PIK3AP1: variants seen among roughly 807,000 people sequenced by gnomAD.
PIK3AP1 encodes phosphoinositide 3-kinase adapter protein 1.
Under a neutral mutation model 88.1 loss-of-function variants are expected in PIK3AP1, and 21 were observed. The observed-to-expected ratio is 0.24, with a 90% CI of 0.17 to 0.34. PIK3AP1 has a LOEUF of 0.34. Among genes scored for constraint, PIK3AP1 ranks in the 10% least tolerant of loss-of-function variants. The pLI is 1.00. For missense variants in PIK3AP1, 828 were observed against 1,035.7 expected, an observed-to-expected ratio of 0.80 and a Z score of 2.75; for synonymous variants, 398 against 400.0, an observed-to-expected ratio of 1.00 and a Z score of 0.06.
intron 2 of PIK3AP1, among the ~76,000 whole-genome samples, chr10:96,696,052 T>C (rs1023745908): frequency 6.6e-6 from 1 of 152,180 alleles, no homozygotes; most frequent in East Asian, 1.9e-4. Flanking sequence ...CATAAGATGC[T>C]CATGGGAGGG....
chr10:96,686,892 G>A (rs1844076366), intron 2 of PIK3AP1, among the ~76,000 whole-genome samples: 1 of 152,200 alleles, frequency 6.6e-6, no homozygotes, highest in Admixed American at 6.5e-5. Context: ...CAGGATGGAT[G>A]GAGGTGGGTG....
chr10:96,598,701 C>G (rs76121951), intron 16 of PIK3AP1, among the ~76,000 whole-genome samples: 1 of 152,168 alleles, frequency 6.6e-6, no homozygotes, highest in Admixed American at 6.5e-5. Flanking sequence ...AAGATTCACT[C>G]GCATGGGAAC....
chr10:96,681,987 T>A (rs1051167351), intron 2 of PIK3AP1, among the ~76,000 whole-genome samples: 5 of 59,146 alleles, frequency 8.5e-5, no homozygotes, highest in African/African-American at 4.7e-4. Context: ...CATAAATATA[T>A]GTGTGTGTAT....
chr10:96,718,773 A>G (rs1458512302), intron 1 of PIK3AP1, among the ~76,000 whole-genome samples: 1 of 152,154 alleles, frequency 6.6e-6, no homozygotes, highest in African/African-American at 2.4e-5. Context: ...TCCTGGACTC[A>G]GCAGCCCAGG....
At chr10:96,719,159 AGAGCCAG>A (rs1844540603) in intron 1 of PIK3AP1, among the ~76,000 whole-genome samples, 4 of 152,220 alleles carry the variant, frequency 2.6e-5, no homozygotes, top group African/African-American at 9.7e-5. Flanking sequence ...GCCCAGCTGG[AGAGCCAG>A]GAGGCTGTGA....
intron 2 of PIK3AP1, among the ~76,000 whole-genome samples, chr10:96,658,620 C>G (rs1487991440): frequency 6.6e-6 from 1 of 152,152 alleles, no homozygotes; most frequent in Admixed American, 6.5e-5. Context: ...GAGTGGAGGT[C>G]CCGTCCCAGA....
At chr10:96,597,325 TCC>T in intron 16 of PIK3AP1, among the ~76,000 whole-genome samples, 1 of 125,688 alleles carries the variant, frequency 8.0e-6, no homozygotes. Context: ...CTTCCTTCCT[TCC>T]TTCTTTCCTT....
At position 96,651,612 on chromosome 10, in the gene PIK3AP1, C is replaced by T; in HGVS notation, c.752G>A (p.Gly251Glu). The stretch of plus-strand genomic sequence containing the variant: ...AACGGTTTCACACACCACTAAGTCT[C>T]CAGAATATATCTTCAGAGAAACGTT... Reference protein sequence around the residue: ...SGNVSLKIYSGDLVVCETVIS... With the variant: ...SGNVSLKIYSEDLVVCETVIS... The change falls in exon 5 of 17, where the codon GGA becomes GAA. Residue 251 changes from glycine (G) to glutamate (E), a missense_variant. Gly to Glu is a moderately conservative substitution (Grantham distance 98). Transcript: ENST00000339364. 1 of 1,614,092 alleles carries T rather than the reference C, an allele frequency of 6.2e-7. No homozygotes were observed.
At chr10:96,695,761 GAC>G (rs765972372) in intron 2 of PIK3AP1, among the ~76,000 whole-genome samples, 9 of 148,690 alleles carry the variant, frequency 6.1e-5, no homozygotes, top group Non-Finnish European at 1.3e-4. Flanking sequence ...AAAAAAAAAA[GAC>G]ACAGCCAATT....
At chr10:96,688,466 T>C (rs2134271035) in intron 2 of PIK3AP1, among the ~76,000 whole-genome samples, 1 of 152,294 alleles carries the variant, frequency 6.6e-6, no homozygotes, top group Middle Eastern at 3.4e-3. Flanking sequence ...AACATAAAAA[T>C]TACATATATT....
chr10:96,604,632 A>T (rs1437483225), intron 14 of PIK3AP1, among the ~76,000 whole-genome samples: 1 of 152,184 alleles, frequency 6.6e-6, no homozygotes, highest in African/African-American at 2.4e-5. Flanking sequence ...AACCCCTATG[A>T]AAATCCTGTT....
chr10:96,695,510 G>A (rs1244063225), intron 2 of PIK3AP1, among the ~76,000 whole-genome samples: 1 of 152,190 alleles, frequency 6.6e-6, no homozygotes, highest in Non-Finnish European at 1.5e-5. Flanking sequence ...ATGTTGGAGA[G>A]TAAACCAGCA....
chr10:96,682,185 GCTTAA>G (rs1844011804), intron 2 of PIK3AP1, among the ~76,000 whole-genome samples: 1 of 152,064 alleles, frequency 6.6e-6, no homozygotes, highest in Non-Finnish European at 1.5e-5. Flanking sequence ...AGATTAAATG[GCTTAA>G]CTTAAGGGGC....
chr10:96,611,991 A>T (rs1983831), intron 13 of PIK3AP1, among the ~76,000 whole-genome samples: 86,352 of 152,042 alleles, frequency 0.57, 26,256 homozygotes, highest in East Asian at 0.83. Context: ...ATTATATTGC[A>T]TAGTGCTTTC....
chr10:96,603,867 G>T, intron 15 of PIK3AP1, 112 bp downstream of exon 15: 1 of 978,028 alleles, frequency 1.0e-6, no homozygotes, highest in Non-Finnish European at 1.4e-6. Context: ...CATATAAATG[G>T]AATCCTATAA....
chr10:96,705,048 A>C (rs1408471620), intron 2 of PIK3AP1, among the ~76,000 whole-genome samples: 2 of 152,226 alleles, frequency 1.3e-5, no homozygotes, highest in African/African-American at 4.8e-5. Flanking sequence ...CTTTTTATCA[A>C]AAGGTATCTC....
chr10:96,622,820 A>G (rs1391066910), intron 11 of PIK3AP1, among the ~76,000 whole-genome samples: 1 of 152,242 alleles, frequency 6.6e-6, no homozygotes. Flanking sequence ...AGCTCCTCAA[A>G]CTTCCTTTAA....
Position 96,648,662 on chromosome 10 carries a change from A to G in PIK3AP1, c.1182T>C (p.Tyr394=). The G allele has an allele frequency of 6.2e-7, 1 of 1,606,662 alleles. No homozygotes were observed. Among genetic ancestry groups the G allele is most frequent in the East Asian group, 2.3e-5 (1 of 44,278 alleles). Residue 394 remains tyrosine (Y), a synonymous_variant, in exon 7 of 17, where the codon TAT becomes TAC. Transcript: ENST00000339364. The stretch of plus-strand genomic sequence containing the variant: ...GCCCCTCCTGCCTTGACCTTACCAC[A>G]TACTCGTCGATGAACTGCCGCAGGT... ...FRDLRQFIDE[Y]VETVDMLKSH...
chr10:96,668,035 A>G (rs950187529), intron 2 of PIK3AP1, among the ~76,000 whole-genome samples: 6 of 152,202 alleles, frequency 3.9e-5, no homozygotes, highest in African/African-American at 1.2e-4. Flanking sequence ...TTTAAAATAT[A>G]CTTACTTAGA....
Sources: gnomAD v4.1 joint callset for allele counts (sites outside exome capture counted in the v4.1 genomes callset) on GRCh38, gnomAD v4.1.1 for gene constraint, MANE v1.5 for transcripts, NCBI Gene and HGNC (gene_info 2026-07-23, HGNC 2026-07-21) for gene names.